SAMMSON: variants seen among roughly 807,000 people sequenced by gnomAD.
SAMMSON encodes long intergenic non-protein coding RNA 1212.
intron 4 of SAMMSON, among the ~76,000 whole-genome samples, chr3:70,137,973 T>C (rs6549274): frequency 0.98 from 149,676 of 152,246 alleles, 73,622 homozygotes; most frequent in East Asian, 1. Context: ...CATGTTGTTC[T>C]GAGTTGCTAT....
chr3:70,115,210 C>CAAAAAAA (rs11456109), intron 4 of SAMMSON, among the ~76,000 whole-genome samples: 1 of 117,528 alleles, frequency 8.5e-6, no homozygotes, highest in African/African-American at 3.2e-5. Context: ...CTCTATTTTC[C>CAAAAAAA]AAAAAAAAAA....
rs139131591 is a variant in SAMMSON at position 70,056,830 on chromosome 3, T to C, written n.418-14646T>C. Among the ~76,000 whole-genome samples, 98 of 152,174 alleles carry C rather than the reference T, an allele frequency of 6.4e-4. 1 individual carries two copies. The South Asian group carries it at 0.016, about 25-fold the overall frequency. On this transcript the variant is annotated intron_variant and non_coding_transcript_variant, in intron 3 of 9. Transcript: ENST00000642114. ...CAGTGTTCAGTCCTTATCAGTTGCA[T>C]ATATTTTTCCTATGACAGGAGGCCA...
chr3:70,385,450 T>A (rs1344280452), intron 9 of SAMMSON, among the ~76,000 whole-genome samples: 2 of 152,128 alleles, frequency 1.3e-5, no homozygotes, highest in Admixed American at 6.6e-5. Flanking sequence ...TGTGGAAACT[T>A]ATTCAAAGGT....
chr3:70,408,667 A>T (rs944718307), intron 2 of SAMMSON, among the ~76,000 whole-genome samples: 2 of 152,106 alleles, frequency 1.3e-5, no homozygotes, highest in Non-Finnish European at 2.9e-5. Context: ...AAGCCATTCA[A>T]TGAGTCTCTA....
intron 4 of SAMMSON, among the ~76,000 whole-genome samples, chr3:70,243,070 A>G (rs901309159): frequency 6.6e-6 from 1 of 152,170 alleles, no homozygotes; most frequent in Non-Finnish European, 1.5e-5. Context: ...TTCTAATTGT[A>G]AGGTGGAGGA....
At chr3:70,229,413 C>T (rs1482755772) in intron 4 of SAMMSON, among the ~76,000 whole-genome samples, 2 of 152,154 alleles carry the variant, frequency 1.3e-5, no homozygotes, top group South Asian at 4.1e-4. Context: ...CTCTTTAGCT[C>T]ATAAAGATTT....
At chr3:70,385,311 T>A (rs527496442) in intron 9 of SAMMSON, among the ~76,000 whole-genome samples, 26 of 152,238 alleles carry the variant, frequency 1.7e-4, no homozygotes, top group African/African-American at 5.8e-4. Context: ...CATCAGATAT[T>A]AATACTTCCT....
At chr3:70,148,528 C>G (rs1459471829) in intron 4 of SAMMSON, among the ~76,000 whole-genome samples, 1 of 152,098 alleles carries the variant, frequency 6.6e-6, no homozygotes, top group Non-Finnish European at 1.5e-5. Flanking sequence ...GCTCACCATT[C>G]TGCAGACTGT....
At chr3:70,286,618 G>A (rs1702166727) in intron 6 of SAMMSON, among the ~76,000 whole-genome samples, 1 of 151,856 alleles carries the variant, frequency 6.6e-6, no homozygotes, top group Admixed American at 6.6e-5. Flanking sequence ...AGCTTGATGG[G>A]GATGGCATTG....
intron 6 of SAMMSON, among the ~76,000 whole-genome samples, chr3:70,251,792 T>A (rs147892615): frequency 1.4e-4 from 22 of 152,336 alleles, no homozygotes; most frequent in African/African-American, 5.1e-4. Flanking sequence ...CACCTGCAGC[T>A]TTGAGTCAAA....
intron 2 of SAMMSON, among the ~76,000 whole-genome samples, chr3:70,426,476 C>T (rs568800663): frequency 1.3e-5 from 2 of 152,112 alleles, no homozygotes; most frequent in South Asian, 4.2e-4. Flanking sequence ...CAAGGATTCC[C>T]GGGTTGAGGA....
intron 4 of SAMMSON, among the ~76,000 whole-genome samples, chr3:70,159,055 G>A (rs4422269): frequency 1.3e-5 from 2 of 151,584 alleles, no homozygotes; most frequent in Non-Finnish European, 2.9e-5. Flanking sequence ...TTTTACATTA[G>A]GACAAAAATT....
At chr3:70,305,363 A>ACCTGT (rs1298194216) in intron 7 of SAMMSON, among the ~76,000 whole-genome samples, 3 of 152,198 alleles carry the variant, frequency 2.0e-5, no homozygotes, top group Non-Finnish European at 4.4e-5. Flanking sequence ...TAATTCCATT[A>ACCTGT]CCTGTGTTTA....
chr3:70,372,114 T>C (rs1702975150), intron 9 of SAMMSON, among the ~76,000 whole-genome samples: 1 of 152,154 alleles, frequency 6.6e-6, no homozygotes, highest in African/African-American at 2.4e-5. Context: ...TTCTTCATTA[T>C]ATTGATTTCT....
intron 4 of SAMMSON, among the ~76,000 whole-genome samples, chr3:70,189,526 T>C (rs1338032291): frequency 6.6e-6 from 1 of 152,176 alleles, no homozygotes; most frequent in East Asian, 1.9e-4. Flanking sequence ...TGTAGTCAGA[T>C]GGGTTTTGCA....
intron 6 of SAMMSON, among the ~76,000 whole-genome samples, chr3:70,267,394 CTTTTTTTTTTTTTTTT>C (rs9310185): frequency 1.3e-5 from 1 of 74,844 alleles, no homozygotes; most frequent in Non-Finnish European, 2.3e-5. Flanking sequence ...TTTTTAATAG[CTTTTTTTTTTTTTTTT>C]TTTTTTTTTT....
chr3:70,146,805 AAACCAAGCTAGGAAAATCCAGTAC>A (rs774443077), intron 4 of SAMMSON, among the ~76,000 whole-genome samples: 7 of 152,030 alleles, frequency 4.6e-5, no homozygotes, highest in Admixed American at 6.6e-5. Flanking sequence ...ATCACACTGC[AAACCAAGCTAGGAAAATCCAGTAC>A]AACCAAGCTA....
At chr3:70,400,822 C>G (rs1701134095) in intron 2 of SAMMSON, among the ~76,000 whole-genome samples, 1 of 152,074 alleles carries the variant, frequency 6.6e-6, no homozygotes, top group African/African-American at 2.4e-5. Flanking sequence ...ATTCCAGCTA[C>G]TCAGGAGGCT....
chr3:70,041,048 T>C (rs1052783695), intron 3 of SAMMSON, among the ~76,000 whole-genome samples: 7 of 152,248 alleles, frequency 4.6e-5, no homozygotes, highest in African/African-American at 1.7e-4. Context: ...TTGCAGTAAA[T>C]TTGAAAGCAA....
Sources: gnomAD v4.1 joint callset for allele counts (sites outside exome capture counted in the v4.1 genomes callset) on GRCh38, gnomAD v4.1.1 for gene constraint, MANE v1.5 for transcripts, NCBI Gene and HGNC (gene_info 2026-07-23, HGNC 2026-07-21) for gene names.